Variants in RGPD1 observed in about 807,000 individuals in gnomAD.
RGPD1 encodes RANBP2 like and GRIP domain containing 1.
Under a neutral mutation model 40.6 loss-of-function variants are expected in RGPD1, and 7 were observed. The ratio of observed to expected loss-of-function variants is 0.17; its 90% CI spans 0.10 to 0.32. RGPD1 has a LOEUF of 0.32. RGPD1 is among the 10% of genes least tolerant of loss of function. The probability of loss-of-function intolerance (pLI) is 1.00; values close to 1 mark genes in which losing one functional copy is unlikely to be tolerated. For missense variants in RGPD1, 50 were observed against 472.5 expected, an observed-to-expected ratio of 0.11 and a Z score of 8.29; for synonymous variants, 24 against 167.0, an observed-to-expected ratio of 0.14 and a Z score of 6.60.
At position 86,964,259 on chromosome 2, in the gene RGPD1, G is replaced by T. The variant is rs1281752342; in HGVS notation, c.975+1035G>T. Among the ~76,000 whole-genome samples the T allele has an allele frequency of 1.9e-5, 2 of 102,598 alleles. 1 individual carries two copies. The highest frequency in any genetic ancestry group is 9.3e-5 in the African/African-American group (2 of 21,574). 67.3% of individuals were successfully genotyped at this position (102,598 alleles called of 152,430 possible). A position where few individuals can be genotyped will look rare whatever the true frequency, so the allele number is the denominator to read the frequency against. On this transcript the variant is annotated intron_variant, in intron 7 of 22. Transcript: ENST00000641458. ...GGGGTTTCACTGTGTTAGCCAGGAT[G>T]GTCTCAATCTCCTGACCTAGTCATC...
intron 1 of RGPD1, chr2:86,930,582 C>A: frequency 6.2e-7 from 1 of 1,611,288 alleles, no homozygotes; most frequent in East Asian, 2.2e-5. Context: ...CAGCCAGAAC[C>A]ACCAGAGCTC....
At chr2:86,941,416 C>T (rs1250526432), upstream of RGPD1, among the ~76,000 whole-genome samples, 1 of 147,816 alleles carries the variant, frequency 6.8e-6, no homozygotes, top group African/African-American at 2.5e-5. Flanking sequence ...AGACAAGTGT[C>T]TCACTCTGGT....
intron 1 of RGPD1, among the ~76,000 whole-genome samples, chr2:86,943,373 T>G (rs1477607966): frequency 6.6e-6 from 1 of 150,596 alleles, no homozygotes; most frequent in East Asian, 2.0e-4. Context: ...CTTACAATTT[T>G]TAACCTTTTC....
rs1364096345 is a variant in RGPD1, at chr2:86,930,676, G to A, written c.72+16755G>A. On this transcript the variant is annotated intron_variant, in intron 1 of 22. Transcript: ENST00000398193. ...GGCTGGTTGTTCACTCCTGGGCACA[G>A]CTCTCGAAGCTGCTGTTGCGGCGCC... The A allele has an allele frequency of 1.7e-5, 27 of 1,610,150 alleles. 1 individual carries two copies. Among genetic ancestry groups the A allele is most frequent in the Admixed American group, 1.2e-4 (7 of 59,904 alleles).
In RGPD1 at chr2:86,960,164, G is replaced by A. The variant is rs1232149643; in HGVS notation, c.779+1737G>A. Among the ~76,000 whole-genome samples, 7 of 104,748 alleles carry A rather than the reference G, an allele frequency of 6.7e-5. 1 individual carries two copies. Among genetic ancestry groups the A allele is most frequent in the East Asian group, 5.8e-4 (2 of 3,472 alleles). 68.7% of individuals were successfully genotyped at this position (104,748 alleles called of 152,430 possible). On this transcript the variant is annotated intron_variant, in intron 6 of 22. Transcript: ENST00000641458. ...GAATCCGGACCATGAGGGGGTGACT[G>A]GGGGCCTGAGGGGAGGACCCTGAGG...
chr2:86,930,024 A>T (rs1476148765), intron 1 of RGPD1, among the ~76,000 whole-genome samples: 2 of 143,988 alleles, frequency 1.4e-5, no homozygotes, highest in Non-Finnish European at 3.1e-5. Context: ...AGTCCTCCAG[A>T]TCTGGCAGGG....
chr2:86,927,898 TG>T (rs1678620183), intron 1 of RGPD1, among the ~76,000 whole-genome samples: 1 of 64,362 alleles, frequency 1.6e-5, no homozygotes. Flanking sequence ...GTATACTACC[TG>T]GGGGATAGGA....
chr2:86,929,688 T>TC (rs1678770103), intron 1 of RGPD1, among the ~76,000 whole-genome samples: 4 of 94,076 alleles, frequency 4.3e-5, no homozygotes, highest in South Asian at 4.5e-4. Flanking sequence ...GAGCCCACAC[T>TC]CTTTTTTTTT....
chr2:86,914,001 T>TCGGCGG (rs1677580060), intron 1 of RGPD1: 1 of 607,914 alleles, frequency 1.6e-6, no homozygotes, highest in Non-Finnish European at 1.9e-6. Flanking sequence ...GGCGGCGGCC[T>TCGGCGG]CGGCCTCGGC....
chr2:86,927,074 C>T (rs548369982), intron 1 of RGPD1, among the ~76,000 whole-genome samples: 70 of 152,248 alleles, frequency 4.6e-4, no homozygotes, highest in African/African-American at 1.7e-3. Context: ...AGTAGTTGCA[C>T]TAGATCATTT....
chr2:86,930,023 G>C (rs1179315369), intron 1 of RGPD1, among the ~76,000 whole-genome samples: 2 of 144,176 alleles, frequency 1.4e-5, no homozygotes, highest in Non-Finnish European at 3.1e-5. Flanking sequence ...TAGTCCTCCA[G>C]ATCTGGCAGG....
intron 1 of RGPD1, among the ~76,000 whole-genome samples, chr2:86,929,690 T>C (rs1296822190): frequency 2.3e-3 from 92 of 39,408 alleles, no homozygotes; most frequent in African/African-American, 6.8e-3. Context: ...GCCCACACTC[T>C]TTTTTTTTTT....
chr2:86,913,908 C>T lies in RGPD1; in HGVS notation c.59C>T (p.Pro20Leu), dbSNP rs201509849. The change falls in exon 1 of 23, where the codon CCG becomes CTG. Residue 20 changes from proline to leucine, a missense_variant. Transcript: ENST00000398193. ...CTCGCCTCGGTGCAGGGCTCCGCCC[C>T]GTCGCCTGGAAAGGTGAGTGGATCT... is the stretch of plus-strand genomic sequence containing the variant. 1.8e-3 allele frequency: 2,742 copies of T among 1,552,878 alleles called. 91 individuals are homozygous for T. Among genetic ancestry groups the T allele is most frequent in the Non-Finnish European group, 2.0e-3 (2,280 of 1,149,128 alleles).
intron 1 of RGPD1, among the ~76,000 whole-genome samples, chr2:86,925,702 G>A (rs1466959615): frequency 1.3e-5 from 2 of 151,934 alleles, no homozygotes; most frequent in Non-Finnish European, 2.9e-5. Flanking sequence ...ATGAGAATGA[G>A]ATTCTAAATG....
chr2:86,925,875 C>G (rs1678454610), intron 1 of RGPD1, among the ~76,000 whole-genome samples: 1 of 152,106 alleles, frequency 6.6e-6, no homozygotes, highest in African/African-American at 2.4e-5. Context: ...TGGCCTTGTA[C>G]ATGTTATATA....
upstream of RGPD1, among the ~76,000 whole-genome samples, chr2:86,940,746 C>T (rs1679677827): frequency 6.6e-6 from 1 of 151,942 alleles, no homozygotes; most frequent in African/African-American, 2.4e-5. Context: ...AGAACTGTGC[C>T]ACAACTACTG....
intron 1 of RGPD1, among the ~76,000 whole-genome samples, chr2:86,931,449 G>A (rs932016930): frequency 6.7e-6 from 1 of 150,258 alleles, no homozygotes; most frequent in African/African-American, 2.5e-5. Flanking sequence ...ATCTTTTTTT[G>A]GGTGGTTGGG....
chr2:86,919,713 CA>C (rs1677999741), intron 1 of RGPD1, among the ~76,000 whole-genome samples: 1 of 112,350 alleles, frequency 8.9e-6, no homozygotes, highest in East Asian at 2.2e-4. Context: ...TATAGAATTA[CA>C]CCTGCCTCCA....
intron 1 of RGPD1, chr2:86,930,602 G>A: frequency 6.2e-7 from 1 of 1,611,606 alleles, no homozygotes; most frequent in Non-Finnish European, 8.5e-7. Context: ...CATAGTAGTA[G>A]GTGCAGCAGC....
Sources: gnomAD v4.1 joint callset for allele counts (sites outside exome capture counted in the v4.1 genomes callset) on GRCh38, gnomAD v4.1.1 for gene constraint, MANE v1.5 for transcripts, NCBI Gene and HGNC (gene_info 2026-07-23, HGNC 2026-07-21) for gene names.